The following KCNMA1 variants were observed in gnomAD, a reference collection of about 807,000 sequenced individuals.
KCNMA1 encodes the protein Calcium-activated potassium channel subunit alpha-1.
A neutral mutation model predicts 140.0 loss-of-function variants in KCNMA1; 29 were observed. The observed-to-expected ratio is 0.21, with a 90% CI of 0.15 to 0.28. The LOEUF is 0.28. Among genes scored for constraint, KCNMA1 ranks in the 10% least tolerant of loss-of-function variants. The pLI is 1.00. For missense variants in KCNMA1, 880 were observed against 1,602.2 expected (o/e 0.55, Z 7.70); for synonymous variants, 612 against 611.9 (o/e 1.00, Z 0.00).
Position 77,532,358 on chromosome 10 carries a change from G to A in KCNMA1, c.378+104907C>T, listed in dbSNP as rs540995502. The stretch of plus-strand genomic sequence containing the variant: ...GGGACAGATTCTCCCCGCCAGTACA[G>A]TGGGCTCTCTGGACCTTCTGACCAA... On this transcript the variant is annotated intron_variant, in intron 1 of 27. Coordinates refer to ENST00000286628, the MANE Select transcript of KCNMA1 (RefSeq NM_001161352.2). Among the ~76,000 whole-genome samples, 4 of 152,354 alleles carry A rather than the reference G, an allele frequency of 2.6e-5. No homozygotes were observed. In the South Asian group the frequency reaches 6.2e-4, roughly 24 times the overall value.
intron 1 of KCNMA1, among the ~76,000 whole-genome samples, chr10:77,476,843 T>C (rs1301774112): frequency 6.6e-6 from 1 of 152,232 alleles, no homozygotes; most frequent in African/African-American, 2.4e-5. Context: ...TCTACTGACT[T>C]ATATGCCATA....
chr10:77,514,389 A>T (rs1490951884), intron 1 of KCNMA1, among the ~76,000 whole-genome samples: 7 of 152,166 alleles, frequency 4.6e-5, no homozygotes, highest in Admixed American at 4.6e-4. Flanking sequence ...CACCTAATCC[A>T]TGTGTGGTCA....
intron 18 of KCNMA1, among the ~76,000 whole-genome samples, chr10:77,007,675 ATG>A (rs1555100459): frequency 6.9e-6 from 1 of 144,328 alleles, no homozygotes; most frequent in Non-Finnish European, 1.5e-5. Flanking sequence ...ATATATATAT[ATG>A]TATCACAACA....
chr10:77,085,510 T>A (rs2096671271), intron 11 of KCNMA1, among the ~76,000 whole-genome samples: 1 of 152,204 alleles, frequency 6.6e-6, no homozygotes, highest in Non-Finnish European at 1.5e-5. Context: ...TATGTCTGGA[T>A]AATATCAAGA....
chr10:77,270,216 ACT>A (rs2064622081), intron 2 of KCNMA1, among the ~76,000 whole-genome samples: 1 of 152,052 alleles, frequency 6.6e-6, no homozygotes, highest in South Asian at 2.1e-4. Context: ...TGGTTGAGAG[ACT>A]CTCTAACTCC....
At chr10:77,052,956 T>C (rs991725285) in intron 14 of KCNMA1, among the ~76,000 whole-genome samples, 7 of 152,190 alleles carry the variant, frequency 4.6e-5, no homozygotes, top group Non-Finnish European at 1.0e-4. Context: ...ATTAAAGTAT[T>C]CAAAGTAATC....
intron 1 of KCNMA1, among the ~76,000 whole-genome samples, chr10:77,466,265 G>A (rs1258017342): frequency 1.3e-5 from 2 of 152,144 alleles, no homozygotes; most frequent in Non-Finnish European, 2.9e-5. Context: ...GGGAGTAACT[G>A]ATATCACTGT....
chr10:77,443,655 T>G (rs2097458107), intron 1 of KCNMA1, among the ~76,000 whole-genome samples: 1 of 152,190 alleles, frequency 6.6e-6, no homozygotes, highest in Non-Finnish European at 1.5e-5. Context: ...GCTGTTTCCT[T>G]TAACCTTTCT....
At chr10:77,321,600 T>C (rs1210335262) in intron 2 of KCNMA1, among the ~76,000 whole-genome samples, 1 of 152,240 alleles carries the variant, frequency 6.6e-6, no homozygotes. Flanking sequence ...TATTTTTAAA[T>C]GGCATGAGTG....
At chr10:77,493,327 T>C (rs2040620575) in intron 1 of KCNMA1, among the ~76,000 whole-genome samples, 2 of 152,242 alleles carry the variant, frequency 1.3e-5, no homozygotes, top group Non-Finnish European at 2.9e-5. Flanking sequence ...GAAGCCTCGC[T>C]GAGGGCCAGG....
chr10:77,501,895 C>G (rs1742830066), intron 1 of KCNMA1, among the ~76,000 whole-genome samples: 2 of 152,218 alleles, frequency 1.3e-5, no homozygotes, highest in African/African-American at 4.8e-5. Flanking sequence ...AGTTTTTCCA[C>G]TCATAAAGAT....
rs11001938 is a variant in KCNMA1, at chr10:76,935,644, G to A, written c.2902+9129C>T. 5.0e-3 allele frequency among the ~76,000 whole-genome samples: 759 copies of A among 152,254 alleles called. 5 individuals are homozygous for A. The highest frequency in any genetic ancestry group is 0.017 in the African/African-American group (688 of 41,540). ...AAAAAATTACATTTTCTTAAAAAAG[G>A]CATTAACCAGGCACACAAATTTTGA... is the stretch of plus-strand genomic sequence containing the variant. On this transcript the variant is annotated intron_variant, in intron 23 of 27. Coordinates refer to ENST00000286628, the MANE Select transcript of KCNMA1 (RefSeq NM_001161352.2).
At chr10:76,950,195 A>G (rs546114421) in intron 21 of KCNMA1, among the ~76,000 whole-genome samples, 2 of 152,204 alleles carry the variant, frequency 1.3e-5, no homozygotes, top group Non-Finnish European at 2.9e-5. Context: ...ATTTTTCATT[A>G]TATGACTTAT....
At chr10:76,958,655 A>G (rs1185436648) in intron 20 of KCNMA1, among the ~76,000 whole-genome samples, 1 of 152,186 alleles carries the variant, frequency 6.6e-6, no homozygotes, top group East Asian at 1.9e-4. Context: ...ATTTGGGCCA[A>G]CTTTTCCACA....
At chr10:77,452,537 T>C (rs1039766407) in intron 1 of KCNMA1, among the ~76,000 whole-genome samples, 2 of 152,218 alleles carry the variant, frequency 1.3e-5, no homozygotes, top group African/African-American at 4.8e-5. Flanking sequence ...TTATACACTT[T>C]ATAAATGCGC....
At chr10:77,630,592 C>T (rs1294085296) in intron 1 of KCNMA1, among the ~76,000 whole-genome samples, 3 of 152,176 alleles carry the variant, frequency 2.0e-5, no homozygotes, top group Admixed American at 2.0e-4. Flanking sequence ...TCCCTTCCCC[C>T]TTCAAGAGCT....
chr10:77,163,459 AC>A (rs1190951131), intron 5 of KCNMA1, among the ~76,000 whole-genome samples: 1 of 152,090 alleles, frequency 6.6e-6, no homozygotes, highest in East Asian at 1.9e-4. Context: ...GAACTTGGGA[AC>A]CCTTATCATT....
chr10:77,265,271 C>T (rs1359139498), intron 2 of KCNMA1, among the ~76,000 whole-genome samples: 3 of 152,126 alleles, frequency 2.0e-5, no homozygotes, highest in Non-Finnish European at 4.4e-5. Context: ...AAGCTGGTCT[C>T]AAACTCCTGA....
intron 1 of KCNMA1, among the ~76,000 whole-genome samples, chr10:77,495,263 C>A (rs1371458): frequency 3.9e-5 from 6 of 152,192 alleles, no homozygotes; most frequent in East Asian, 1.9e-4. Flanking sequence ...TTCCAGCCCC[C>A]ACGTTACCCC....
Sources: gnomAD v4.1 joint callset for allele counts (sites outside exome capture counted in the v4.1 genomes callset) on GRCh38, gnomAD v4.1.1 for gene constraint, MANE v1.5 for transcripts, NCBI Gene and HGNC (gene_info 2026-07-23, HGNC 2026-07-21) for gene names.